The following PTK7 variants were observed in gnomAD, a reference collection of about 807,000 sequenced individuals.
The protein encoded by PTK7 is protein tyrosine kinase 7 (inactive).
In PTK7, 39 loss-of-function variants were observed where a neutral mutation model predicts 116.6. That is an observed-to-expected ratio of 0.33 (90% CI 0.26 to 0.44). The LOEUF (loss-of-function observed/expected upper bound fraction) is 0.44, where lower values mean the gene tolerates loss of function less well. PTK7 is among the 20% of genes least tolerant of loss of function. The pLI, the probability that PTK7 is intolerant of heterozygous loss-of-function variation, is 1.00. For synonymous variants in PTK7, 546 were observed against 563.6 expected (o/e 0.97, Z 0.44); for missense variants, 1,169 against 1,425.6 (o/e 0.82, Z 2.90).
chr6:43,084,138 T>G (rs1181299251), intron 1 of PTK7, among the ~76,000 whole-genome samples: 1 of 152,130 alleles, frequency 6.6e-6, no homozygotes, highest in Non-Finnish European at 1.5e-5. Context: ...AATTTTTATT[T>G]ATTTATTTTT....
At chr6:43,133,531 C>G (rs1330294861) in intron 7 of PTK7, 1 of 152,214 alleles carries the variant, frequency 6.6e-6, no homozygotes, top group African/African-American at 2.4e-5. Flanking sequence ...TGAGATCGCA[C>G]CGTTGCTCTT....
chr6:43,128,370 C>T (rs1769424794), intron 1 of PTK7, among the ~76,000 whole-genome samples: 1 of 152,334 alleles, frequency 6.6e-6, no homozygotes, highest in Middle Eastern at 3.4e-3. Flanking sequence ...TGCCTGCCCA[C>T]CCCATTCATT....
At chr6:43,085,671 C>T (rs1457114334) in intron 1 of PTK7, among the ~76,000 whole-genome samples, 7 of 151,900 alleles carry the variant, frequency 4.6e-5, no homozygotes, top group African/African-American at 1.2e-4. Context: ...CGGTGGCTCA[C>T]GCCTGTAATC....
chr6:43,091,233 T>C (rs979676891), intron 1 of PTK7, among the ~76,000 whole-genome samples: 1 of 150,706 alleles, frequency 6.6e-6, no homozygotes, highest in Admixed American at 6.7e-5. Context: ...TGATCTTGGC[T>C]CACTGCAATC....
At chr6:43,116,653 C>T (rs3805933) in intron 1 of PTK7, among the ~76,000 whole-genome samples, 40,396 of 87,188 alleles carry the variant, frequency 0.46, 6,400 homozygotes, top group East Asian at 0.6. Context: ...TGTGTGTGTG[C>T]GCGCGCACGC....
intron 1 of PTK7, among the ~76,000 whole-genome samples, chr6:43,108,064 T>C (rs1767991859): frequency 6.6e-6 from 1 of 152,192 alleles, no homozygotes. Context: ...CTGTCTTGTT[T>C]TCCAAATTTG....
chr6:43,128,053 G>T (rs139488053), intron 1 of PTK7, among the ~76,000 whole-genome samples: 1 of 152,220 alleles, frequency 6.6e-6, no homozygotes, highest in African/African-American at 2.4e-5. Context: ...TCTGGGAAAC[G>T]TTGGGCTGCA....
chr6:43,093,228 TGCCCAG>T (rs1364787724), intron 1 of PTK7, among the ~76,000 whole-genome samples: 3 of 149,700 alleles, frequency 2.0e-5, no homozygotes, highest in Non-Finnish European at 4.4e-5. Flanking sequence ...TCACTCTTGT[TGCCCAG>T]GCTGGAGTGC....
chr6:43,111,717 C>T (rs1165143460), intron 1 of PTK7, among the ~76,000 whole-genome samples: 1 of 152,146 alleles, frequency 6.6e-6, no homozygotes, highest in Non-Finnish European at 1.5e-5. Context: ...GGCTGGGATG[C>T]AGTGGCACGA....
chr6:43,137,600 A>G (rs1347967154), intron 7 of PTK7, among the ~76,000 whole-genome samples: 2 of 152,170 alleles, frequency 1.3e-5, no homozygotes, highest in Admixed American at 1.3e-4. Context: ...TTGGGAACCA[A>G]CCATTCATGT....
At chr6:43,082,419 G>T (rs1249970052) in intron 1 of PTK7, among the ~76,000 whole-genome samples, 1 of 152,058 alleles carries the variant, frequency 6.6e-6, no homozygotes, top group Non-Finnish European at 1.5e-5. Flanking sequence ...TTCATGATCC[G>T]CCCACCTCAG....
intron 1 of PTK7, among the ~76,000 whole-genome samples, chr6:43,093,939 G>A (rs1362796462): frequency 2.0e-5 from 3 of 152,180 alleles, no homozygotes; most frequent in African/African-American, 7.2e-5. Flanking sequence ...TCATGCTCCT[G>A]TGCAAACATC....
chr6:43,117,194 C>T (rs144895950), intron 1 of PTK7, among the ~76,000 whole-genome samples: 1 of 152,086 alleles, frequency 6.6e-6, no homozygotes, highest in African/African-American at 2.4e-5. Context: ...GCTTCTCCCC[C>T]AGAAAAGCCC....
At position 43,129,698 on chromosome 6, in the gene PTK7, C is replaced by T. The variant is rs1359493489; in HGVS notation, c.368-29C>T. 6.2e-7 allele frequency: 1 copy of T among 1,603,032 alleles called. No individual in the cohort carries two copies. The highest frequency in any genetic ancestry group is 1.1e-5 in the South Asian group (1 of 90,844). ...CTTCCCGCCTTTGCCCTGCTCTGCC[C>T]CTCACTGCAACCGTGGCCTCTGCTA... On this transcript the variant is annotated intron_variant, in intron 2 of 19. Coordinates refer to ENST00000230419, the MANE Select transcript of PTK7 (RefSeq NM_002821.5). The surrounding 1 kb of genome is among the most constrained non-coding windows in gnomAD (Gnocchi z 4.5).
rs183401434 is a variant in PTK7 at position 43,094,503 on chromosome 6, C to T, written c.79+17936C>T. Among the ~76,000 whole-genome samples, 13 of 149,738 alleles carry T rather than the reference C, an allele frequency of 8.7e-5. No individual in the cohort carries two copies. The East Asian group carries it at 1.4e-3, about 16-fold the overall frequency. ...TTTTTTGAGACGGAGTCCGTCTCGTCGCCCAGGCTGGAGTGCAGTGGCACG... is the reference window on the plus strand; with the variant it reads ...TTTTTTGAGACGGAGTCCGTCTCGTTGCCCAGGCTGGAGTGCAGTGGCACG... On this transcript the variant is annotated intron_variant, in intron 1 of 19. Coordinates refer to ENST00000230419, the MANE Select transcript of PTK7 (RefSeq NM_002821.5).
chr6:43,104,408 T>A lies in PTK7; in HGVS notation c.80-24569T>A, dbSNP rs567266654. Among the ~76,000 whole-genome samples the A allele has an allele frequency of 1.8e-3, 275 of 152,326 alleles. 1 individual carries two copies. Among genetic ancestry groups the A allele is most frequent in the African/African-American group, 6.1e-3 (254 of 41,560 alleles). On this transcript the variant is annotated intron_variant, in intron 1 of 19. Transcript: ENST00000230419. ...TGCTAATTAAAACAAAGTATTTTTT[T>A]AAAATTATTTATTTATTTATGAGAT...
In PTK7 at chr6:43,145,478, G is replaced by C. The variant is rs1032167982; in HGVS notation, c.2640+46G>C. 2.1e-6 allele frequency: 3 copies of C among 1,454,718 alleles called. No homozygotes were observed. The Admixed American group carries it at 6.4e-5, about 31-fold the overall frequency. 90.1% of individuals were successfully genotyped at this position (1,454,718 alleles called of 1,614,324 possible). ...GTGGGGGTCTCGGGTAGGGAGGGCA[G>C]TGTCCTACAAAGGTGGGAGTCAGTG... On this transcript the variant is annotated intron_variant, in intron 16 of 19. Coordinates refer to ENST00000230419, the MANE Select transcript of PTK7 (RefSeq NM_002821.5). This position sits in a 1 kb window ranked among gnomAD's most constrained non-coding sequence, Gnocchi z 4.8.
chr6:43,145,338 T>C lies in PTK7; in HGVS notation c.2546T>C (p.Met849Thr). 2 of 1,613,306 alleles carry C rather than the reference T, an allele frequency of 1.2e-6. No individual in the cohort carries two copies. Among genetic ancestry groups the C allele is most frequent in the Admixed American group, 1.7e-5 (1 of 59,862 alleles). Residue 849 changes from methionine to threonine, a missense_variant, in exon 16 of 20, where the codon ATG (methionine) becomes ACG (threonine). Coordinates refer to ENST00000230419, the MANE Select transcript of PTK7 (RefSeq NM_002821.5). The surrounding 1 kb of genome is among the most constrained non-coding windows in gnomAD (Gnocchi z 4.8). Reference protein sequence around the residue: ...QQLDFRRELEMFGKLNHANVV... With the variant: ...QQLDFRRELETFGKLNHANVV... ...CTGGACTTCCGGAGGGAGTTGGAGA[T>C]GTTTGGGAAGCTGAACCACGCCAAC... is the stretch of plus-strand genomic sequence containing the variant.
chr6:43,105,451 A>G, intron 1 of PTK7, among the ~76,000 whole-genome samples: 1 of 26,914 alleles, frequency 3.7e-5, no homozygotes, highest in East Asian at 8.3e-4. Context: ...ACTGTATAGC[A>G]AAAAAAAAAA....
Sources: gnomAD v4.1 joint callset for allele counts (sites outside exome capture counted in the v4.1 genomes callset) on GRCh38, gnomAD v4.1.1 for gene constraint, Gnocchi (gnomAD v3.1) non-coding constraint, MANE v1.5 for transcripts, NCBI Gene and HGNC (gene_info 2026-07-23, HGNC 2026-07-21) for gene names.